The following VPS45 variants were observed in gnomAD, a reference collection of about 807,000 sequenced individuals.
VPS45 encodes the protein vacuolar protein sorting 45 homolog, also known as vacuolar protein sorting-associated protein 45.
Under a neutral mutation model 75.9 loss-of-function variants are expected in VPS45, and 35 were observed. That is an observed-to-expected ratio of 0.46 (90% CI 0.35 to 0.61). The LOEUF is 0.61. Among genes scored for constraint, VPS45 ranks in the 20% least tolerant of loss-of-function variants. The pLI, the probability that VPS45 is intolerant of heterozygous loss-of-function variation, is 0.00. For synonymous variants in VPS45, 220 were observed against 238.2 expected, an observed-to-expected ratio of 0.92 and a Z score of 0.70; for missense variants, 559 against 685.9, an observed-to-expected ratio of 0.81 and a Z score of 2.07.
At chr1:150,106,009 A>G (rs1430564529) in intron 13 of VPS45, among the ~76,000 whole-genome samples, 3 of 152,192 alleles carry the variant, frequency 2.0e-5, no homozygotes, top group African/African-American at 7.2e-5. Flanking sequence ...ATGGGGAAAG[A>G]ACACCCCACT....
rs146765652 is a variant in VPS45, at chr1:150,092,789, C to T, written c.1371+380C>T. Among the ~76,000 whole-genome samples the T allele has an allele frequency of 1.2e-3, 181 of 150,260 alleles. 1 individual carries two copies. Among genetic ancestry groups the T allele is most frequent in the African/African-American group, 4.2e-3 (174 of 40,974 alleles). ...ACTTTTGATCTTTTAAAAATACTAA[C>T]CTGTTTTCTTAAAATACTCAAAAAT... On this transcript the variant is annotated intron_variant, in intron 12 of 14. Coordinates refer to ENST00000644510, the MANE Select transcript of VPS45 (RefSeq NM_007259.5).
chr1:150,093,429 C>T, intron 12 of VPS45, 98 bp from the exon 13 acceptor site: 5 of 1,318,284 alleles, frequency 3.8e-6, no homozygotes, highest in Non-Finnish European at 4.1e-6. Context: ...CCCATGAAAT[C>T]TCTATTGAGT....
At chr1:150,136,233 A>G (rs1332885770) in intron 14 of VPS45, among the ~76,000 whole-genome samples, 2 of 82,756 alleles carry the variant, frequency 2.4e-5, no homozygotes, top group Non-Finnish European at 4.5e-5. Flanking sequence ...TGGGCAACAG[A>G]GTGAGACTCT....
chr1:150,139,360 C>G (rs962937379), intron 14 of VPS45, among the ~76,000 whole-genome samples: 3 of 152,200 alleles, frequency 2.0e-5, no homozygotes, highest in East Asian at 3.9e-4. Flanking sequence ...CTTAAACATA[C>G]AGAGCCTTGA....
At chr1:150,070,654 A>G (rs1655008704) in intron 2 of VPS45, among the ~76,000 whole-genome samples, 1 of 145,410 alleles carries the variant, frequency 6.9e-6, no homozygotes, top group African/African-American at 2.5e-5. Context: ...AAAAACAACA[A>G]AAAAATTAGC....
chr1:150,093,433 A>G, intron 12 of VPS45, 94 bp from the exon 13 acceptor site: 2 of 1,367,478 alleles, frequency 1.5e-6, no homozygotes, highest in East Asian at 2.3e-5. Flanking sequence ...TGAAATCTCT[A>G]TTGAGTGTAT....
chr1:150,142,626 T>A (rs775754790), intron 14 of VPS45, among the ~76,000 whole-genome samples: 1 of 152,240 alleles, frequency 6.6e-6, no homozygotes, highest in Non-Finnish European at 1.5e-5. Flanking sequence ...ATCTGTCTGC[T>A]CTGAGAGAGA....
intron 2 of VPS45, among the ~76,000 whole-genome samples, chr1:150,071,372 CATT>C: frequency 6.6e-6 from 1 of 152,264 alleles, no homozygotes; most frequent in Admixed American, 6.5e-5. Flanking sequence ...ACTTCACAAA[CATT>C]GTAGTTGTGC....
chr1:150,073,701 C>G (rs587664070), intron 3 of VPS45, among the ~76,000 whole-genome samples: 1 of 151,962 alleles, frequency 6.6e-6, no homozygotes, highest in South Asian at 2.1e-4. Context: ...CCCAGCTTCC[C>G]CCTGTGTAGT....
In VPS45 at chr1:150,110,039, G is replaced by A. The variant is rs1041091455; in HGVS notation, c.1494-457G>A. The A allele has an allele frequency of 1.1e-4, 16 of 152,244 alleles. 1 individual carries two copies. Among genetic ancestry groups the A allele is most frequent in the Admixed American group, 1.0e-3 (16 of 15,268 alleles). 9.4% of individuals were successfully genotyped at this position (152,244 alleles called of 1,614,324 possible). On this transcript the variant is annotated intron_variant, in intron 13 of 14. Coordinates refer to ENST00000644510, the MANE Select transcript of VPS45 (RefSeq NM_007259.5). Reference sequence around the variant, plus strand: ...TAAATATGCTAGTTCTTTCAAAAATGCTTTGAGGTCCTTGTACAGAGGCCA... The same window carrying A: ...TAAATATGCTAGTTCTTTCAAAAATACTTTGAGGTCCTTGTACAGAGGCCA...
intron 14 of VPS45, among the ~76,000 whole-genome samples, chr1:150,112,437 AT>A (rs1487329353): frequency 6.6e-6 from 1 of 152,204 alleles, no homozygotes; most frequent in Non-Finnish European, 1.5e-5. Flanking sequence ...TTAACATGAT[AT>A]CTTTACAGTC....
chr1:150,111,340 T>C (rs146598814), intron 14 of VPS45, among the ~76,000 whole-genome samples: 25 of 152,294 alleles, frequency 1.6e-4, no homozygotes, highest in African/African-American at 5.5e-4. Flanking sequence ...ATAAAAGCTG[T>C]AGGCAACATA....
intron 14 of VPS45, among the ~76,000 whole-genome samples, chr1:150,139,697 G>A (rs1659284192): frequency 6.6e-6 from 1 of 152,088 alleles, no homozygotes; most frequent in South Asian, 2.1e-4. Flanking sequence ...GGGACTACAG[G>A]TGTGCACCAC....
chr1:150,090,718 A>T (rs782469940), intron 10 of VPS45, among the ~76,000 whole-genome samples: 2 of 152,224 alleles, frequency 1.3e-5, no homozygotes, highest in Non-Finnish European at 2.9e-5. Context: ...AAGGTCTTGA[A>T]AATACTCACT....
At chr1:150,071,118 C>CT (rs1244447696) in intron 2 of VPS45, among the ~76,000 whole-genome samples, 1 of 151,534 alleles carries the variant, frequency 6.6e-6, no homozygotes, top group Non-Finnish European at 1.5e-5. Context: ...ATATTGCTTA[C>CT]TTTTTTTTAA....
chr1:150,093,562 C>T lies in VPS45; in HGVS notation c.1407C>T (p.Phe469=). 1 of 1,613,926 alleles carries T rather than the reference C, an allele frequency of 6.2e-7. No homozygotes were observed. Among genetic ancestry groups the T allele is most frequent in the Non-Finnish European group, 8.5e-7 (1 of 1,179,946 alleles). ...VENVYTQHQP[F]LHETLDHLIK... ...ATGTATATACACAGCATCAACCTTT[C>T]CTACATGAAACCCTGGATCATCTCA... Residue 469 remains phenylalanine, a synonymous_variant, in exon 13 of 15, where the codon TTC becomes TTT. Transcript: ENST00000644510.
intron 14 of VPS45, among the ~76,000 whole-genome samples, chr1:150,119,467 A>G (rs1658113755): frequency 6.6e-6 from 1 of 152,206 alleles, no homozygotes; most frequent in Non-Finnish European, 1.5e-5. Flanking sequence ...GGCCAAAAGA[A>G]TTAGTGACAA....
At chr1:150,125,501 G>A (rs964580074) in intron 14 of VPS45, among the ~76,000 whole-genome samples, 1 of 151,170 alleles carries the variant, frequency 6.6e-6, no homozygotes, top group African/African-American at 2.4e-5. Context: ...TCCTTTGTAG[G>A]GACATGGATG....
intron 13 of VPS45, among the ~76,000 whole-genome samples, chr1:150,106,996 G>T (rs782234847): frequency 1.3e-5 from 2 of 152,158 alleles, no homozygotes; most frequent in African/African-American, 4.8e-5. Flanking sequence ...TTCTTCTTGA[G>T]ACTCAGTTGG....
Sources: gnomAD v4.1 joint callset for allele counts (sites outside exome capture counted in the v4.1 genomes callset) on GRCh38, gnomAD v4.1.1 for gene constraint, MANE v1.5 for transcripts, NCBI Gene and HGNC (gene_info 2026-07-23, HGNC 2026-07-21) for gene names.